Variants in TRERF1 observed in about 807,000 individuals in gnomAD.
The protein encoded by TRERF1 is transcriptional-regulating factor 1.
In TRERF1, 27 loss-of-function variants were observed where a neutral mutation model predicts 122.9. The ratio of observed to expected loss-of-function variants is 0.22; its 90% confidence interval spans 0.16 to 0.30. The LOEUF (loss-of-function observed/expected upper bound fraction) is 0.30, where lower values mean the gene tolerates loss of function less well. TRERF1 is among the 10% of genes least tolerant of loss of function. The probability of loss-of-function intolerance (pLI) is 1.00; values close to 1 mark genes in which losing one functional copy is unlikely to be tolerated. For synonymous variants in TRERF1, 636 were observed against 641.7 expected, an observed-to-expected ratio of 0.99 and a Z score of 0.13; for missense variants, 1,248 against 1,560.3, an observed-to-expected ratio of 0.80 and a Z score of 3.37.
intron 3 of TRERF1, among the ~76,000 whole-genome samples, chr6:42,336,384 T>C (rs1280068244): frequency 6.6e-6 from 1 of 152,106 alleles, no homozygotes; most frequent in African/African-American, 2.4e-5. Flanking sequence ...AGAGGTTCCC[T>C]GGAGGAGCTC....
chr6:42,266,850 A>C (rs1779288509), intron 5 of TRERF1, among the ~76,000 whole-genome samples: 1 of 151,940 alleles, frequency 6.6e-6, no homozygotes, highest in Non-Finnish European at 1.5e-5. Context: ...TTTTTTAAAA[A>C]CCCTTAATGA....
chr6:42,228,699 A>G lies in TRERF1; in HGVS notation c.3279-30T>C. 6.5e-7 allele frequency: 1 copy of G among 1,549,630 alleles called. No homozygotes were observed. Among genetic ancestry groups the G allele is most frequent in the Non-Finnish European group, 8.7e-7 (1 of 1,150,792 alleles). On this transcript the variant is annotated intron_variant, in intron 17 of 17. Coordinates refer to ENST00000372922, the Ensembl canonical transcript of TRERF1. This position sits in a 1 kb window ranked among gnomAD's most constrained non-coding sequence, Gnocchi z 4.2. ...AAATAAAGAAAGAGAGGTGTGTAGA[A>G]TTTAGAAGGAGATCTGAGTTCTTGG...
chr6:42,346,580 G>A (rs1451163856), intron 3 of TRERF1, among the ~76,000 whole-genome samples: 1 of 152,076 alleles, frequency 6.6e-6, no homozygotes, highest in Non-Finnish European at 1.5e-5. Flanking sequence ...CAGTGGAGAA[G>A]GCAGAAAGAG....
At chr6:42,382,327 C>T (rs894571470) in intron 2 of TRERF1, among the ~76,000 whole-genome samples, 2 of 151,532 alleles carry the variant, frequency 1.3e-5, no homozygotes, top group African/African-American at 4.9e-5. Context: ...ACCCTTCCAG[C>T]CTCAGGTTAA....
chr6:42,378,368 T>C (rs1038293871), intron 2 of TRERF1, among the ~76,000 whole-genome samples: 1 of 150,614 alleles, frequency 6.6e-6, no homozygotes, highest in African/African-American at 2.5e-5. Flanking sequence ...TGCTTATAGG[T>C]TGAGACCAAG....
intron 3 of TRERF1, among the ~76,000 whole-genome samples, chr6:42,334,150 A>T (rs1276542710): frequency 6.6e-6 from 1 of 151,474 alleles, no homozygotes; most frequent in Non-Finnish European, 1.5e-5. Context: ...ACAAATATAG[A>T]AATCTAAAAA....
In TRERF1 at chr6:42,268,264, G is replaced by C. The variant is rs371552696; in HGVS notation, c.1327C>G (p.Arg443Gly). The change falls in exon 5 of 18, where the codon CGG becomes GGG. Residue 443 changes from arginine to glycine, a missense_variant. Arg to Gly is a moderately radical substitution (Grantham distance 125, BLOSUM62 -2). This residue lies in a region of TRERF1 where 946 missense variants were observed against 1,073.0 expected (regional missense o/e 0.88). Transcript: ENST00000372922. This position sits in a 1 kb window ranked among gnomAD's most constrained non-coding sequence, Gnocchi z 4.4. ...CGATGGGGGAGGGTGCTGCTGACCC[G>C]GGTCAGATCTGAGCTCGCTGGGTCT... is the stretch of plus-strand genomic sequence containing the variant. The C allele has an allele frequency of 6.7e-7, 1 of 1,492,698 alleles. No individual in the cohort carries two copies. The highest frequency in any genetic ancestry group is 2.4e-5 in the Admixed American group (1 of 41,630). The allele number at this position is 1,492,698 out of a possible 1,614,324, so 92.5% of individuals were successfully genotyped here.
At chr6:42,441,285 C>T (rs774061077) in intron 2 of TRERF1, among the ~76,000 whole-genome samples, 8 of 152,168 alleles carry the variant, frequency 5.3e-5, no homozygotes, top group Admixed American at 2.0e-4. Flanking sequence ...TTCAAGGACA[C>T]ATCACCCCGC....
chr6:42,415,799 TTTTC>T (rs1430879190), intron 2 of TRERF1, among the ~76,000 whole-genome samples: 2 of 152,036 alleles, frequency 1.3e-5, no homozygotes, highest in African/African-American at 4.8e-5. Context: ...AGAACTTCCT[TTTTC>T]TTTTTTATAT....
At chr6:42,325,689 C>A (rs1274835510) in intron 3 of TRERF1, among the ~76,000 whole-genome samples, 6 of 152,144 alleles carry the variant, frequency 3.9e-5, no homozygotes, top group African/African-American at 1.2e-4. Context: ...GGCTGGAGAA[C>A]ACGGTGAAAC....
At chr6:42,449,420 G>A (rs1027810596) in intron 2 of TRERF1, among the ~76,000 whole-genome samples, 1 of 151,488 alleles carries the variant, frequency 6.6e-6, no homozygotes, top group Non-Finnish European at 1.5e-5. Context: ...TATGATTCAT[G>A]GGCCTTCAAG....
chr6:42,391,559 T>C (rs1320762352), intron 2 of TRERF1, among the ~76,000 whole-genome samples: 2 of 152,144 alleles, frequency 1.3e-5, no homozygotes, highest in African/African-American at 4.8e-5. Flanking sequence ...GGAGTCCTCC[T>C]GCCCACACCC....
chr6:42,346,331 C>A lies in TRERF1; in HGVS notation c.-371+16666G>T, dbSNP rs191890822. 6.4e-4 allele frequency among the ~76,000 whole-genome samples: 98 copies of A among 152,300 alleles called. 1 individual carries two copies. The East Asian group carries it at 0.011, about 17-fold the overall frequency. On this transcript the variant is annotated intron_variant, in intron 3 of 17. Coordinates refer to ENST00000372922, the Ensembl canonical transcript of TRERF1. ...TCGGTTGCCCACTTACTGAGCACCA[C>A]GTGTGCACAAACAGCCTCCTGCACA...
intron 4 of TRERF1, among the ~76,000 whole-genome samples, chr6:42,283,916 C>CA (rs768089310): frequency 1.2e-3 from 186 of 151,132 alleles, no homozygotes; most frequent in Non-Finnish European, 5.3e-4. Flanking sequence ...GCACCCTGGC[C>CA]AAAAAAAACC....
chr6:42,440,423 A>G (rs1786296704), intron 2 of TRERF1, among the ~76,000 whole-genome samples: 1 of 152,166 alleles, frequency 6.6e-6, no homozygotes, highest in Non-Finnish European at 1.5e-5. Flanking sequence ...AGTTTCCTCA[A>G]GTGTGAAGTG....
intron 2 of TRERF1, among the ~76,000 whole-genome samples, chr6:42,436,814 A>AAAATAT (rs61427173): frequency 9.1e-4 from 61 of 66,688 alleles, no homozygotes; most frequent in African/African-American, 1.0e-3. Flanking sequence ...AAAAAAAAAA[A>AAAATAT]ATATATATAT....
At chr6:42,231,384 T>C (rs1167723955) in intron 17 of TRERF1, among the ~76,000 whole-genome samples, 1 of 152,220 alleles carries the variant, frequency 6.6e-6, no homozygotes, top group Non-Finnish European at 1.5e-5. Context: ...GACTAAAACA[T>C]GTAAAGAATC....
chr6:42,356,068 C>T (rs1339494132), intron 3 of TRERF1, among the ~76,000 whole-genome samples: 1 of 152,222 alleles, frequency 6.6e-6, no homozygotes, highest in African/African-American at 2.4e-5. Context: ...AGGTCACCTC[C>T]AGCTCTGTGG....
intron 2 of TRERF1, among the ~76,000 whole-genome samples, chr6:42,381,621 T>A (rs1169073211): frequency 1.3e-5 from 2 of 151,886 alleles, no homozygotes; most frequent in African/African-American, 4.8e-5. Context: ...CCAGCCGTGA[T>A]TGAAGCTGGG....
Sources: gnomAD v4.1 joint callset for allele counts (sites outside exome capture counted in the v4.1 genomes callset) on GRCh38, gnomAD v4.1.1 for gene constraint, gnomAD v4.1.1 regional missense constraint, Gnocchi (gnomAD v3.1) non-coding constraint, MANE v1.5 for transcripts, NCBI Gene and HGNC (gene_info 2026-07-23, HGNC 2026-07-21) for gene names.